Variants in BMAL2 observed in about 807,000 individuals in gnomAD.
BMAL2 encodes the protein basic helix-loop-helix ARNT-like protein 2.
the BMAL2 span, among the ~76,000 whole-genome samples, chr12:27,354,161 T>C: frequency 6.6e-6 from 1 of 152,210 alleles, no homozygotes; most frequent in African/African-American, 2.4e-5. Context: ...ATACAGGGAA[T>C]CAACCTAGGT....
the BMAL2 span, among the ~76,000 whole-genome samples, chr12:27,393,933 C>T: frequency 6.6e-6 from 1 of 152,178 alleles, no homozygotes; most frequent in Non-Finnish European, 1.5e-5. Context: ...AAAGATTACT[C>T]AGTTTTTTGG....
the BMAL2 span, chr12:27,390,312 A>G: frequency 6.8e-7 from 1 of 1,478,588 alleles, no homozygotes; most frequent in Non-Finnish European, 9.3e-7. Flanking sequence ...TCTGTACAGA[A>G]AAAATAAAAT....
the BMAL2 span, among the ~76,000 whole-genome samples, chr12:27,416,906 T>G: frequency 6.6e-6 from 1 of 152,210 alleles, no homozygotes; most frequent in East Asian, 1.9e-4. Flanking sequence ...CAGGCTGAAG[T>G]GAGCTATAAT....
the BMAL2 span, chr12:27,389,955 T>A: frequency 1.1e-6 from 1 of 912,468 alleles, no homozygotes; most frequent in Non-Finnish European, 1.6e-6. Flanking sequence ...ACTTCAGGGT[T>A]TACTGTACAA....
chr12:27,342,006 G>A, the BMAL2 span, among the ~76,000 whole-genome samples: 9 of 151,290 alleles, frequency 5.9e-5, no homozygotes, highest in East Asian at 1.9e-4. Flanking sequence ...GTGTGATCTC[G>A]GCTCACTGCA....
chr12:27,358,465 A>G, the BMAL2 span, among the ~76,000 whole-genome samples: 1 of 152,196 alleles, frequency 6.6e-6, no homozygotes, highest in African/African-American at 2.4e-5. Flanking sequence ...TAGTACAACC[A>G]CTATAGGAAA....
the BMAL2 span, among the ~76,000 whole-genome samples, chr12:27,359,571 A>G: frequency 1.3e-5 from 2 of 151,976 alleles, no homozygotes; most frequent in Non-Finnish European, 2.9e-5. Flanking sequence ...AGTCCCAGCT[A>G]CTTGGGAGAC....
chr12:27,390,378 A>C, the BMAL2 span: 1 of 947,250 alleles, frequency 1.1e-6, no homozygotes, highest in Non-Finnish European at 1.5e-6. Context: ...AGATTTTTTT[A>C]AACCAAAATT....
At chr12:27,351,281 A>C in the BMAL2 span, among the ~76,000 whole-genome samples, 1 of 152,160 alleles carries the variant, frequency 6.6e-6, no homozygotes. Context: ...AGCCCCTGGC[A>C]CCTGGCCTTA....
the BMAL2 span, chr12:27,368,558 G>T: frequency 1.9e-6 from 2 of 1,048,894 alleles, no homozygotes; most frequent in Non-Finnish European, 2.7e-6. Flanking sequence ...TGCTACCTTT[G>T]TCGGTGACTG....
At chr12:27,398,010 C>G in the BMAL2 span, among the ~76,000 whole-genome samples, 3 of 152,244 alleles carry the variant, frequency 2.0e-5, no homozygotes, top group Non-Finnish European at 2.9e-5. Flanking sequence ...CTCCTCTGGT[C>G]TCTGGAGCCA....
chr12:27,392,120 G>A, the BMAL2 span, among the ~76,000 whole-genome samples: 1 of 152,136 alleles, frequency 6.6e-6, no homozygotes, highest in Middle Eastern at 3.2e-3. Context: ...AGGTTCTAGA[G>A]CCAAAGGGTT....
At chr12:27,399,679 A>G in the BMAL2 span, among the ~76,000 whole-genome samples, 4 of 152,236 alleles carry the variant, frequency 2.6e-5, no homozygotes, top group East Asian at 1.9e-4. Flanking sequence ...AAATAGTGCC[A>G]ATTTGAAACA....
At chr12:27,380,501 T>C in the BMAL2 span, 1 of 1,299,850 alleles carries the variant, frequency 7.7e-7, no homozygotes, top group Non-Finnish European at 1.1e-6. Flanking sequence ...GTTGAGGTTC[T>C]ATCCAGATGT....
At chr12:27,370,198 A>G in the BMAL2 span, 12 of 1,613,862 alleles carry the variant, frequency 7.4e-6, no homozygotes, top group South Asian at 1.1e-5. Flanking sequence ...TTCTTTCAAC[A>G]AGGATAGAAA....
chr12:27,343,524 C>T, the BMAL2 span, among the ~76,000 whole-genome samples: 1 of 151,956 alleles, frequency 6.6e-6, no homozygotes, highest in African/African-American at 2.4e-5. Flanking sequence ...TTGCTCATAA[C>T]CTACAGGAAT....
At chr12:27,383,629 A>G in the BMAL2 span, among the ~76,000 whole-genome samples, 17 of 152,124 alleles carry the variant, frequency 1.1e-4, no homozygotes, top group Admixed American at 6.6e-4. Context: ...TGCTCTGCCA[A>G]CCTTGCTGCA....
At chr12:27,409,798 T>C in the BMAL2 span, among the ~76,000 whole-genome samples, 1 of 151,880 alleles carries the variant, frequency 6.6e-6, no homozygotes, top group Admixed American at 6.6e-5. Context: ...ACCATCAGAG[T>C]GAACAGGCAA....
chr12:27,402,734 T>G, the BMAL2 span: 85 of 1,465,636 alleles, frequency 5.8e-5, no homozygotes, highest in Admixed American at 4.9e-4. Context: ...ATTAAGACTA[T>G]TACTATCTTT....
Sources: gnomAD v4.1 joint callset for allele counts (sites outside exome capture counted in the v4.1 genomes callset) on GRCh38, gnomAD v4.1.1 for gene constraint, MANE v1.5 for transcripts, NCBI Gene and HGNC (gene_info 2026-07-23, HGNC 2026-07-21) for gene names.